ADCY8: variants seen among roughly 807,000 people sequenced by gnomAD.
ADCY8 encodes the protein adenylate cyclase 8.
Under a neutral mutation model 119.7 loss-of-function variants are expected in ADCY8, and 51 were observed. The ratio of observed to expected loss-of-function variants is 0.43; its 90% CI spans 0.34 to 0.54. The LOEUF is 0.54. Ranked by LOEUF, ADCY8 falls within the 20% of genes least tolerant of loss-of-function variation. The probability of loss-of-function intolerance (pLI) is 0.03; values close to 1 mark genes in which losing one functional copy is unlikely to be tolerated. For missense variants in ADCY8, 1,383 were observed against 1,598.8 expected, an observed-to-expected ratio of 0.87 and a Z score of 2.30; for synonymous variants, 665 against 651.0, an observed-to-expected ratio of 1.02 and a Z score of -0.33.
At chr8:131,036,195 T>C (rs1824147261) in intron 1 of ADCY8, among the ~76,000 whole-genome samples, 2 of 152,178 alleles carry the variant, frequency 1.3e-5, no homozygotes, top group Admixed American at 6.5e-5. Flanking sequence ...GTCATTTTTT[T>C]CTCTGAAATG....
chr8:130,895,058 A>G (rs901689154), intron 7 of ADCY8, among the ~76,000 whole-genome samples: 1 of 152,170 alleles, frequency 6.6e-6, no homozygotes, highest in South Asian at 2.1e-4. Context: ...ACCAAGAATG[A>G]TAGAAAATAA....
At chr8:130,957,931 T>C (rs1331580392) in intron 2 of ADCY8, among the ~76,000 whole-genome samples, 1 of 152,200 alleles carries the variant, frequency 6.6e-6, no homozygotes, top group African/African-American at 2.4e-5. Flanking sequence ...GTTACAGGGA[T>C]GGGACATTCA....
At chr8:130,875,202 G>C in intron 8 of ADCY8, among the ~76,000 whole-genome samples, 1 of 152,132 alleles carries the variant, frequency 6.6e-6, no homozygotes, top group African/African-American at 2.4e-5. Flanking sequence ...CAATAAAGGA[G>C]TCTTATAAGG....
At chr8:130,964,644 CT>C (rs1421168806) in intron 2 of ADCY8, among the ~76,000 whole-genome samples, 6 of 152,138 alleles carry the variant, frequency 3.9e-5, no homozygotes, top group Non-Finnish European at 1.5e-5. Flanking sequence ...TTTGAAAGTA[CT>C]TTTAAATTCT....
At chr8:130,835,110 C>T (rs1388465812) in intron 12 of ADCY8, among the ~76,000 whole-genome samples, 1 of 152,140 alleles carries the variant, frequency 6.6e-6, no homozygotes, top group Non-Finnish European at 1.5e-5. Context: ...TTATTCTTTT[C>T]CTTTGACTGT....
At chr8:130,952,336 G>A (rs1333541284) in intron 2 of ADCY8, among the ~76,000 whole-genome samples, 1 of 152,168 alleles carries the variant, frequency 6.6e-6, no homozygotes, top group African/African-American at 2.4e-5. Context: ...GTCATGATGA[G>A]AGAGTACAAT....
chr8:130,990,436 C>T lies in ADCY8; in HGVS notation c.1067G>A (p.Cys356Tyr), dbSNP rs975963053. ...QRQAFLETRRCVEARLRLETE... is the reference protein window; with the variant it reads ...QRQAFLETRRYVEARLRLETE... ...CTCCAGGCGCAGCCTGGCCTCCACA[C>T]ACCTCCGAGTCTCCAGGAAAGCTTG... is the stretch of plus-strand genomic sequence containing the variant. Residue 356 changes from cysteine to tyrosine, a missense_variant, in exon 2 of 18, where the codon TGT (cysteine) becomes TAT (tyrosine). By Grantham distance (194) the Cys-to-Tyr change is radical. Coordinates refer to ENST00000286355, the MANE Select transcript of ADCY8 (RefSeq NM_001115.3). 2 of 1,614,228 alleles carry T rather than the reference C, an allele frequency of 1.2e-6. No homozygotes were observed. The highest frequency in any genetic ancestry group is 1.7e-6 in the Non-Finnish European group (2 of 1,180,024).
chr8:130,843,901 G>C (rs1443720399), intron 11 of ADCY8, among the ~76,000 whole-genome samples: 1 of 152,144 alleles, frequency 6.6e-6, no homozygotes, highest in Non-Finnish European at 1.5e-5. Context: ...TATGTGAGAT[G>C]GCAGGAAGGA....
chr8:131,038,407 C>T (rs1050090234), intron 1 of ADCY8, among the ~76,000 whole-genome samples: 1 of 152,026 alleles, frequency 6.6e-6, no homozygotes, highest in African/African-American at 2.4e-5. Flanking sequence ...TTTGAGAAAC[C>T]CCCAAAGTCA....
At chr8:131,005,761 A>T (rs1823096757) in intron 1 of ADCY8, among the ~76,000 whole-genome samples, 1 of 152,052 alleles carries the variant, frequency 6.6e-6, no homozygotes, top group Non-Finnish European at 1.5e-5. Flanking sequence ...AGCTCTTGTG[A>T]GGGCCTGGTG....
At chr8:130,998,534 T>G (rs563762817) in intron 1 of ADCY8, among the ~76,000 whole-genome samples, 1 of 152,230 alleles carries the variant, frequency 6.6e-6, no homozygotes, top group African/African-American at 2.4e-5. Flanking sequence ...CTTGAAGCTT[T>G]TCTCTCCATG....
chr8:130,971,404 T>G (rs1159902951), intron 2 of ADCY8, among the ~76,000 whole-genome samples: 4 of 152,216 alleles, frequency 2.6e-5, no homozygotes, highest in Non-Finnish European at 5.9e-5. Context: ...TGTATATTAC[T>G]GCAGAACTTA....
intron 2 of ADCY8, among the ~76,000 whole-genome samples, chr8:130,974,163 C>T (rs867991963): frequency 9.2e-5 from 14 of 152,232 alleles, no homozygotes; most frequent in African/African-American, 3.1e-4. Context: ...GGGTTTTCCA[C>T]CTCCCTAACT....
At chr8:130,944,863 C>A (rs1418074264) in intron 3 of ADCY8, among the ~76,000 whole-genome samples, 3 of 152,136 alleles carry the variant, frequency 2.0e-5, no homozygotes, top group Non-Finnish European at 2.9e-5. Flanking sequence ...AGACCTAGTG[C>A]CTTTCCTCAA....
chr8:130,835,334 C>T (rs754111887), intron 12 of ADCY8, among the ~76,000 whole-genome samples: 1 of 152,166 alleles, frequency 6.6e-6, no homozygotes, highest in Non-Finnish European at 1.5e-5. Context: ...ATTTTTCTGC[C>T]TTCCTCTGTC....
intron 5 of ADCY8, among the ~76,000 whole-genome samples, chr8:130,929,354 G>C (rs1325232690): frequency 6.6e-6 from 1 of 152,044 alleles, no homozygotes; most frequent in East Asian, 1.9e-4. Flanking sequence ...TTTGTCTCAA[G>C]AAATTTTAAA....
chr8:130,951,080 G>A (rs774970391), intron 3 of ADCY8, among the ~76,000 whole-genome samples: 5 of 152,220 alleles, frequency 3.3e-5, no homozygotes, highest in African/African-American at 1.2e-4. Flanking sequence ...ACAATGTACC[G>A]AATGCTCTAC....
At chr8:131,032,030 C>G (rs182272947) in intron 1 of ADCY8, among the ~76,000 whole-genome samples, 3 of 152,266 alleles carry the variant, frequency 2.0e-5, no homozygotes, top group African/African-American at 7.2e-5. Flanking sequence ...ACGGTTTACT[C>G]CAGTCAACTG....
intron 5 of ADCY8, among the ~76,000 whole-genome samples, chr8:130,919,856 T>C (rs145879051): frequency 6.6e-6 from 1 of 152,250 alleles, no homozygotes; most frequent in African/African-American, 2.4e-5. Context: ...GTTTCTGTTG[T>C]GGCAATGAGC....
Sources: allele counts gnomAD v4.1 joint callset (sites outside exome capture counted in the v4.1 genomes callset), GRCh38; gene constraint gnomAD v4.1.1; transcripts MANE v1.5; gene names NCBI Gene and HGNC (gene_info 2026-07-23, HGNC 2026-07-21).